SYNPO: variants seen among roughly 807,000 people sequenced by gnomAD.
SYNPO encodes the protein synaptopodin.
SYNPO carries 19 observed loss-of-function variants against 49.5 expected under a neutral mutation model. The ratio of observed to expected loss-of-function variants is 0.38; its 90% CI spans 0.27 to 0.56. The LOEUF (loss-of-function observed/expected upper bound fraction) is 0.56. Ranked by LOEUF, SYNPO falls within the 20% of genes least tolerant of loss-of-function variation. The pLI is 0.68. For missense variants in SYNPO, 1,131 were observed against 1,248.3 expected, an observed-to-expected ratio of 0.91 and a Z score of 1.42; for synonymous variants, 536 against 548.0, an observed-to-expected ratio of 0.98 and a Z score of 0.31.
At chr5:150,639,879 G>A (rs1040998506), upstream of SYNPO, among the ~76,000 whole-genome samples, 2 of 152,202 alleles carry the variant, frequency 1.3e-5, no homozygotes, top group African/African-American at 2.4e-5. Flanking sequence ...GGGAAAATAG[G>A]GCCCAGACCC....
At chr5:150,628,789 T>C (rs552974435) in intron 2 of SYNPO, among the ~76,000 whole-genome samples, 1 of 152,246 alleles carries the variant, frequency 6.6e-6, no homozygotes, top group African/African-American at 2.4e-5. Flanking sequence ...ATGCCTGTAA[T>C]CTCAGCTCCT....
At position 150,647,027 on chromosome 5, in the gene SYNPO, G is replaced by A. The variant is rs545930966; in HGVS notation, c.-332-917G>A. On this transcript the variant is annotated intron_variant, in intron 1 of 2. Transcript: ENST00000307662. The stretch of plus-strand genomic sequence containing the variant: ...GGAGGCCGAGGCGGGTGGATCACCT[G>A]AGGTCAGGAGTTCGAGACCAGCCTG... Among the ~76,000 whole-genome samples the A allele has an allele frequency of 2.0e-5, 3 of 152,220 alleles. No homozygotes were observed. The East Asian group carries it at 5.8e-4, about 30-fold the overall frequency.
At chr5:150,619,702 C>G (rs776113905) in intron 2 of SYNPO, among the ~76,000 whole-genome samples, 1 of 152,116 alleles carries the variant, frequency 6.6e-6, no homozygotes, top group Non-Finnish European at 1.5e-5. Context: ...GACACAGTCC[C>G]GGGAGGGCTT....
At chr5:150,643,765 C>T (rs887373804) in intron 1 of SYNPO, among the ~76,000 whole-genome samples, 61 of 152,092 alleles carry the variant, frequency 4.0e-4, no homozygotes, top group African/African-American at 1.4e-3. Context: ...GAACTCCTGA[C>T]CTCGTGATCC....
At chr5:150,616,518 C>A (rs891076366) in intron 1 of SYNPO, among the ~76,000 whole-genome samples, 1 of 152,196 alleles carries the variant, frequency 6.6e-6, no homozygotes, top group Non-Finnish European at 1.5e-5. Flanking sequence ...GGGCATCTCA[C>A]CCATCTCCAC....
At chr5:150,626,770 G>A (rs1337615316) in intron 2 of SYNPO, among the ~76,000 whole-genome samples, 1 of 152,230 alleles carries the variant, frequency 6.6e-6, no homozygotes, top group African/African-American at 2.4e-5. Flanking sequence ...CTGGGGCCAA[G>A]GAGGGGAAGA....
chr5:150,622,445 G>A (rs766787474), intron 2 of SYNPO, among the ~76,000 whole-genome samples: 20 of 152,288 alleles, frequency 1.3e-4, no homozygotes, highest in Middle Eastern at 3.4e-3. Flanking sequence ...CCTCCCACTC[G>A]GATGCTCTGG....
chr5:150,606,630 G>A (rs1756700574), intron 1 of SYNPO, among the ~76,000 whole-genome samples: 1 of 152,210 alleles, frequency 6.6e-6, no homozygotes, highest in Non-Finnish European at 1.5e-5. Flanking sequence ...ATGCCCTGTG[G>A]AGCAGCAACA....
chr5:150,650,691 A>G (rs1316864300), intron 2 of SYNPO: 59 of 1,395,272 alleles, frequency 4.2e-5, no homozygotes, highest in Non-Finnish European at 5.5e-5. Context: ...GTGGCCTAGA[A>G]GGGGATCCTA....
chr5:150,625,231 C>G (rs969269074), intron 2 of SYNPO, among the ~76,000 whole-genome samples: 1 of 152,206 alleles, frequency 6.6e-6, no homozygotes, highest in African/African-American at 2.4e-5. Flanking sequence ...CGAGGCAGCC[C>G]CAGGCTTACA....
chr5:150,590,186 C>A, the SYNPO span, among the ~76,000 whole-genome samples: 1 of 152,338 alleles, frequency 6.6e-6, no homozygotes, highest in African/African-American at 2.4e-5. Flanking sequence ...TGAGCTGGAG[C>A]CTGCCTCTGC....
intron 2 of SYNPO, among the ~76,000 whole-genome samples, chr5:150,634,852 ACACACACACAC>A (rs577083389): frequency 0.23 from 28,229 of 125,264 alleles, 2,844 homozygotes; most frequent in Non-Finnish European, 0.26. Context: ...ACACACACAC[ACACACACACAC>A]CACACACACA....
chr5:150,588,771 G>A, the SYNPO span, among the ~76,000 whole-genome samples: 1 of 151,790 alleles, frequency 6.6e-6, no homozygotes, highest in African/African-American at 2.4e-5. Flanking sequence ...TGTGGAATAT[G>A]GAACCTTTTT....
In SYNPO at chr5:150,648,478, A is replaced by G. The variant is rs1204210002; in HGVS notation, c.203A>G (p.Asp68Gly). 1 of 1,614,096 alleles carries G rather than the reference A, an allele frequency of 6.2e-7. No individual in the cohort carries two copies. Among genetic ancestry groups the G allele is most frequent in the Non-Finnish European group, 8.5e-7 (1 of 1,179,996 alleles). ...PPAEVHSPAADVNQNLASPSA... is the reference protein window; with the variant it reads ...PPAEVHSPAAGVNQNLASPSA... ...GCTGAGGTCCACAGCCCAGCTGCAG[A>G]TGTCAACCAAAACCTTGCCTCGCCC... The change falls in exon 2 of 3, where the codon GAT becomes GGT. Residue 68 changes from aspartate to glycine, a missense_variant. Asp to Gly is a moderately conservative substitution (Grantham distance 94, BLOSUM62 -1). Around this residue, in one of 4 missense-constraint regions of SYNPO, gnomAD observed 602 missense variants for 720.7 expected, o/e 0.84. Coordinates refer to ENST00000307662, the MANE Select transcript of SYNPO (RefSeq NM_007286.6). The surrounding 1 kb of genome is among the most constrained non-coding windows in gnomAD (Gnocchi z 5.0).
chr5:150,644,038 A>G (rs1467131019), intron 1 of SYNPO, among the ~76,000 whole-genome samples: 5 of 151,944 alleles, frequency 3.3e-5, no homozygotes, highest in African/African-American at 9.7e-5. Context: ...AGCCAGGCAT[A>G]GTGGCATATG....
At chr5:150,621,751 C>T (rs1289661702) in intron 2 of SYNPO, among the ~76,000 whole-genome samples, 1 of 152,170 alleles carries the variant, frequency 6.6e-6, no homozygotes, top group African/African-American at 2.4e-5. Flanking sequence ...TTCTCCAAGG[C>T]CTGAGTACCA....
At chr5:150,616,698 T>C (rs1221893838) in intron 1 of SYNPO, among the ~76,000 whole-genome samples, 1 of 152,154 alleles carries the variant, frequency 6.6e-6, no homozygotes, top group African/African-American at 2.4e-5. Context: ...ATTCCTGATC[T>C]CTATTAACAA....
intron 1 of SYNPO, among the ~76,000 whole-genome samples, chr5:150,606,937 C>A (rs562697710): frequency 1.3e-5 from 2 of 152,152 alleles, no homozygotes; most frequent in South Asian, 4.1e-4. Context: ...CTTCATCCAG[C>A]CTCAACAACT....
rs773004943 is a variant in SYNPO, at chr5:150,650,804, C to T, written c.2028+501C>T. 4 of 1,288,194 alleles carry T rather than the reference C, an allele frequency of 3.1e-6. No individual in the cohort carries two copies. The East Asian group carries it at 8.8e-5, about 28-fold the overall frequency. 79.8% of individuals were successfully genotyped at this position (1,288,194 alleles called of 1,614,324 possible). On this transcript the variant is annotated intron_variant, in intron 2 of 2. Coordinates refer to ENST00000307662, the MANE Select transcript of SYNPO (RefSeq NM_007286.6). ...CCAGGGGGGCCTCCCTCCTGAGGCT[C>T]AAGCTCCTGGCGTCTTTCTTCCTGT...
Sources: gnomAD v4.1 joint callset for allele counts (sites outside exome capture counted in the v4.1 genomes callset) on GRCh38, gnomAD v4.1.1 for gene constraint, gnomAD v4.1.1 regional missense constraint, Gnocchi (gnomAD v3.1) non-coding constraint, MANE v1.5 for transcripts, NCBI Gene and HGNC (gene_info 2026-07-23, HGNC 2026-07-21) for gene names.